The following OAF variants were observed in gnomAD, a reference collection of about 807,000 sequenced individuals.
OAF encodes the protein out at first homolog, also known as out at first protein homolog.
Under a neutral mutation model 22.5 loss-of-function variants are expected in OAF, and 13 were observed. That is an observed-to-expected ratio of 0.58 (90% CI 0.38 to 0.92). The LOEUF is 0.92. Among genes scored for constraint, OAF ranks in the 40% least tolerant of loss-of-function variants. The pLI, the probability that OAF is intolerant of heterozygous loss-of-function variation, is 0.00. For missense variants in OAF, 347 were observed against 381.8 expected (o/e 0.91, Z 0.76); for synonymous variants, 175 against 170.5 (o/e 1.03, Z -0.21).
intron 2 of OAF, 90 bp downstream of exon 2, chr11:120,225,885 G>A (rs1343286907): frequency 4.3e-6 from 5 of 1,162,860 alleles, no homozygotes; most frequent in Non-Finnish European, 6.1e-6. Context: ...CCCAGATCCT[G>A]ACCTGCAGAC....
Position 120,226,804 on chromosome 11 carries a change from T to C in OAF, c.367-12T>C, listed in dbSNP as rs199517878. 866 of 1,579,098 alleles carry C rather than the reference T, an allele frequency of 5.5e-4. 1 individual carries two copies. The highest frequency in any genetic ancestry group is 7.0e-4 in the Non-Finnish European group (808 of 1,155,364). On this transcript the variant is annotated splice_polypyrimidine_tract_variant and intron_variant, in intron 2 of 3. Coordinates refer to ENST00000328965, the MANE Select transcript of OAF (RefSeq NM_178507.4). ...TGAAGCCAGGTAGGAGTGACTTCTC[T>C]CCCACACACAGAAAAATCCCCGGGC...
In OAF at chr11:120,230,311, G is replaced by A. The variant is rs1938420795; in HGVS notation, c.*1169G>A. 1 of 152,218 alleles carries A rather than the reference G, an allele frequency of 6.6e-6. No homozygotes were observed. Among genetic ancestry groups the A allele is most frequent in the Non-Finnish European group, 1.5e-5 (1 of 68,048 alleles). The allele number at this position is 152,218 out of a possible 1,614,324, so 9.4% of individuals were successfully genotyped here. A position where few individuals can be genotyped will look rare whatever the true frequency, so the allele number is the denominator to read the frequency against. ...ACCTCTCTGTGCCTCCACTCCCTTA[G>A]CTATAAAATGAGCTTACTTAAGAGA... is the stretch of plus-strand genomic sequence containing the variant. On this transcript the variant is annotated 3_prime_UTR_variant, in exon 4 of 4. Transcript: ENST00000328965.
At position 120,226,964 on chromosome 11, in the gene OAF, G is replaced by T; in HGVS notation, c.515G>T (p.Arg172Leu). The T allele has an allele frequency of 6.2e-7, 1 of 1,603,214 alleles. No homozygotes were observed. ...GAGGCCGTGGATGCCATCTACACCC[G>T]CCAGGAGGATGTCCGGTTCTGGCTG... is the stretch of plus-strand genomic sequence containing the variant. ...CAEAVDAIYT[R>L]QEDVRFWLEQ... is the part of the protein sequence containing the mutation. Residue 172 changes from arginine to leucine, a missense_variant, in exon 3 of 4, where the codon CGC becomes CTC. Transcript: ENST00000328965.
chr11:120,217,633 G>A (rs373452533), intron 1 of OAF: 3 of 152,216 alleles, frequency 2.0e-5, no homozygotes, highest in South Asian at 2.1e-4. Flanking sequence ...CACTATGTAC[G>A]TTTTTTCCTG....
In OAF at chr11:120,211,329, T is replaced by C. The variant is rs1938141211; in HGVS notation, c.50T>C (p.Leu17Pro). ...GCGCGCCCTGCGCTGCTGCTGCTGC[T>C]GCCGCTGCTCGCGCCGCTGCTGGGA... ...PLARPALLLL[L>P]PLLAPLLGTG... The change falls in exon 1 of 4, where the codon CTG (leucine) becomes CCG (proline). Residue 17 changes from leucine (L) to proline (P), a missense_variant. Coordinates refer to ENST00000328965, the MANE Select transcript of OAF (RefSeq NM_178507.4). 2.2e-6 allele frequency: 3 copies of C among 1,393,826 alleles called. No homozygotes were observed. Among genetic ancestry groups the C allele is most frequent in the Non-Finnish European group, 9.3e-7 (1 of 1,071,556 alleles). The allele number at this position is 1,393,826 out of a possible 1,614,324, so 86.3% of individuals were successfully genotyped here.
At chr11:120,224,105 A>G (rs1938320462) in intron 1 of OAF, among the ~76,000 whole-genome samples, 1 of 152,148 alleles carries the variant, frequency 6.6e-6, no homozygotes, top group South Asian at 2.1e-4. Flanking sequence ...TTCTTCACAA[A>G]TCTCTGGGAT....
intron 1 of OAF, among the ~76,000 whole-genome samples, chr11:120,219,557 C>T (rs915064379): frequency 6.6e-5 from 10 of 152,174 alleles, no homozygotes; most frequent in African/African-American, 1.4e-4. Context: ...GGTGCTCTGC[C>T]GTCTCTCAGC....
rs1322024220 is a variant in OAF at position 120,211,315 on chromosome 11, G to T, written c.36G>T (p.Ala12=). The change falls in exon 1 of 4, where the codon GCG becomes GCT. Residue 12 remains alanine, a synonymous_variant. Coordinates refer to ENST00000328965, the MANE Select transcript of OAF (RefSeq NM_178507.4). The part of the protein sequence containing the change: ...RLPGVPLARP[A]LLLLLPLLAP... Reference sequence around the variant, plus strand: ...CCGGGGTACCCCTGGCGCGCCCTGCGCTGCTGCTGCTGCTGCCGCTGCTCG... The same window carrying T: ...CCGGGGTACCCCTGGCGCGCCCTGCTCTGCTGCTGCTGCTGCCGCTGCTCG... 2 of 1,307,486 alleles carry T rather than the reference G, an allele frequency of 1.5e-6. No individual in the cohort carries two copies. Among genetic ancestry groups the T allele is most frequent in the African/African-American group, 3.1e-5 (2 of 64,376 alleles). The allele number at this position is 1,307,486 out of a possible 1,614,324, so 81.0% of individuals were successfully genotyped here.
chr11:120,217,449 T>A (rs1241181528), intron 1 of OAF: 1 of 152,152 alleles, frequency 6.6e-6, no homozygotes, highest in Non-Finnish European at 1.5e-5. Context: ...CATGGTGGTG[T>A]GTGCCTATAA....
At chr11:120,225,925 C>T in intron 2 of OAF, 130 bp downstream of exon 2, 3 of 746,384 alleles carry the variant, frequency 4.0e-6, no homozygotes, top group Middle Eastern at 3.1e-4. Flanking sequence ...TAGCTCTAAG[C>T]TCTGATTCCC....
At chr11:120,223,090 C>A (rs1017931761) in intron 1 of OAF, among the ~76,000 whole-genome samples, 8 of 152,230 alleles carry the variant, frequency 5.3e-5, no homozygotes, top group African/African-American at 1.9e-4. Flanking sequence ...CAGGCTGCCG[C>A]CAGATGGGCA....
intron 1 of OAF, 74 bp downstream of exon 1, chr11:120,211,584 G>A: frequency 1.8e-6 from 2 of 1,101,024 alleles, no homozygotes; most frequent in Non-Finnish European, 1.2e-6. Context: ...TCTCTTGCCT[G>A]CAGACGGAAA....
chr11:120,218,149 TGGGGGCAGGAGCACTGCTCTGGGGAGG>T, intron 1 of OAF, among the ~76,000 whole-genome samples: 1 of 1,390 alleles, frequency 7.2e-4, no homozygotes, highest in Middle Eastern at 0.5. Context: ...GGGGAGGGGC[TGGGGGCAGGAGCACTGCTCTGGGGAGG>T]GGCTGGGGGC....
rs555240824 is a variant in OAF at position 120,212,878 on chromosome 11, C to CT, written c.231+1370dup. Among the ~76,000 whole-genome samples the CT allele has an allele frequency of 1.3e-4, 19 of 147,598 alleles. No homozygotes were observed. The South Asian group carries it at 4.4e-3, about 34-fold the overall frequency. The stretch of plus-strand genomic sequence containing the variant: ...AAATGGGAAGACTTTGTAGCCCATC[C>CT]TTACTCCGCAGGCCTAAGCTAGGCA... On this transcript the variant is annotated intron_variant, in intron 1 of 3. Coordinates refer to ENST00000328965, the MANE Select transcript of OAF (RefSeq NM_178507.4).
chr11:120,215,701 A>G (rs576387664), intron 1 of OAF, among the ~76,000 whole-genome samples: 1 of 152,238 alleles, frequency 6.6e-6, no homozygotes, highest in South Asian at 2.1e-4. Flanking sequence ...TAAACTGGCT[A>G]TTTGACAGCC....
At chr11:120,213,276 G>A (rs1028485883) in intron 1 of OAF, among the ~76,000 whole-genome samples, 2 of 152,148 alleles carry the variant, frequency 1.3e-5, no homozygotes, top group African/African-American at 2.4e-5. Flanking sequence ...GGCTGATGGC[G>A]GGGGTGGGGT....
At chr11:120,226,482 T>C (rs1202559265) in intron 2 of OAF, among the ~76,000 whole-genome samples, 2 of 152,210 alleles carry the variant, frequency 1.3e-5, no homozygotes, top group African/African-American at 4.8e-5. Context: ...AAGTACGTGA[T>C]TCCAGAGGTC....
chr11:120,212,196 A>G (rs948405083), intron 1 of OAF, among the ~76,000 whole-genome samples: 1 of 116,420 alleles, frequency 8.6e-6, no homozygotes, highest in African/African-American at 3.3e-5. Flanking sequence ...AAGCGAGCCA[A>G]CCCCCCTATT....
In OAF at chr11:120,226,934, G is replaced by A. The variant is rs1277114075; in HGVS notation, c.485G>A (p.Cys162Tyr). Reference sequence around the variant, plus strand: ...CTGAGCCCCCATCTCCACAACGTGTGTGCCGAGGCCGTGGATGCCATCTAC... The same window carrying A: ...CTGAGCCCCCATCTCCACAACGTGTATGCCGAGGCCGTGGATGCCATCTAC... Reference protein sequence around the residue: ...ALLSPHLHNVCAEAVDAIYTR... With the variant: ...ALLSPHLHNVYAEAVDAIYTR... Residue 162 changes from cysteine (C) to tyrosine (Y), a missense_variant, in exon 3 of 4, where the codon TGT becomes TAT. Physicochemically the swap from Cys to Tyr is radical, Grantham distance 194. Coordinates refer to ENST00000328965, the MANE Select transcript of OAF (RefSeq NM_178507.4). The A allele has an allele frequency of 1.2e-6, 2 of 1,610,800 alleles. No individual in the cohort carries two copies. Among genetic ancestry groups the A allele is most frequent in the South Asian group, 2.2e-5 (2 of 90,760 alleles).
Sources: allele counts gnomAD v4.1 joint callset (sites outside exome capture counted in the v4.1 genomes callset), GRCh38; gene constraint gnomAD v4.1.1; transcripts MANE v1.5; gene names NCBI Gene and HGNC (gene_info 2026-07-23, HGNC 2026-07-21).